Variants in CPN1 observed in about 807,000 individuals in gnomAD.
The protein encoded by CPN1 is carboxypeptidase N catalytic chain.
Under a neutral mutation model 46.4 loss-of-function variants are expected in CPN1, and 37 were observed. The observed-to-expected ratio is 0.80, with a 90% CI of 0.61 to 1.05. The LOEUF is 1.05. CPN1 is among the 50% of genes least tolerant of loss of function. The pLI is 0.00. For synonymous variants in CPN1, 224 were observed against 235.4 expected (o/e 0.95, Z 0.44); for missense variants, 563 against 602.6 (o/e 0.93, Z 0.69).
chr10:100,062,597 C>CTTT (rs66611005), intron 5 of CPN1, among the ~76,000 whole-genome samples: 92 of 141,858 alleles, frequency 6.5e-4, no homozygotes, highest in African/African-American at 2.4e-3. Flanking sequence ...AGTATTCTTT[C>CTTT]TTTTTTTTTT....
chr10:100,042,378 T>C lies in CPN1; in HGVS notation c.*49A>G, dbSNP rs776912202. On this transcript the variant is annotated 3_prime_UTR_variant, in exon 9 of 9. Coordinates refer to ENST00000370418, the MANE Select transcript of CPN1 (RefSeq NM_001308.3). ...AATAGAAAGAATGCTTGATCTGATC[T>C]GAGAGCAGGAGCAAAGCCTTTCTGA... 3 of 1,610,026 alleles carry C rather than the reference T, an allele frequency of 1.9e-6. No homozygotes were observed.
rs1044863463 is a variant in CPN1 at position 100,054,740 on chromosome 10, T to C, written c.1012-294A>G. Among the ~76,000 whole-genome samples, 6 of 152,142 alleles carry C rather than the reference T, an allele frequency of 3.9e-5. No homozygotes were observed. The South Asian group carries it at 6.2e-4, about 16-fold the overall frequency. On this transcript the variant is annotated intron_variant, in intron 6 of 8. Coordinates refer to ENST00000370418, the MANE Select transcript of CPN1 (RefSeq NM_001308.3). Reference sequence around the variant, plus strand: ...TCTTGTGATGGTCTGTCTGTAAAGCTACCTGTTAGCTCTCTGATCCCATCT... The same window carrying C: ...TCTTGTGATGGTCTGTCTGTAAAGCCACCTGTTAGCTCTCTGATCCCATCT...
chr10:100,070,426 G>A (rs2041477469), intron 2 of CPN1, among the ~76,000 whole-genome samples: 1 of 152,070 alleles, frequency 6.6e-6, no homozygotes, highest in African/African-American at 2.4e-5. Flanking sequence ...AGGTTGCAAT[G>A]GGCCAAGAAC....
chr10:100,077,662 G>A (rs1020606600), intron 1 of CPN1, among the ~76,000 whole-genome samples: 2 of 152,084 alleles, frequency 1.3e-5, no homozygotes, highest in Non-Finnish European at 2.9e-5. Context: ...TTTCTCAAAG[G>A]AATGCTTATA....
chr10:100,049,026 T>C (rs1446335563), intron 7 of CPN1, 150 bp from the exon 8 acceptor site: 2 of 610,076 alleles, frequency 3.3e-6, no homozygotes, highest in Non-Finnish European at 6.1e-6. Context: ...TGGTGTGATC[T>C]CAGCTCACTG....
At chr10:100,047,060 C>T (rs1371517087) in intron 8 of CPN1, among the ~76,000 whole-genome samples, 3 of 149,606 alleles carry the variant, frequency 2.0e-5, no homozygotes, top group Non-Finnish European at 3.0e-5. Flanking sequence ...GGTGGCAGAG[C>T]GAGACTCTGT....
At chr10:100,045,943 T>G (rs2041308539) in intron 8 of CPN1, among the ~76,000 whole-genome samples, 1 of 152,182 alleles carries the variant, frequency 6.6e-6, no homozygotes, top group Non-Finnish European at 1.5e-5. Context: ...TCTGTAGATG[T>G]CTGTTAAATA....
intron 7 of CPN1, among the ~76,000 whole-genome samples, chr10:100,054,045 C>T (rs7084921): frequency 0.43 from 65,731 of 152,056 alleles, 15,059 homozygotes; most frequent in African/African-American, 0.54. Flanking sequence ...AAATTGTATG[C>T]GGTAGCAACT....
At chr10:100,079,193 G>C (rs1319883347) in intron 1 of CPN1, among the ~76,000 whole-genome samples, 1 of 152,134 alleles carries the variant, frequency 6.6e-6, no homozygotes, top group Non-Finnish European at 1.5e-5. Context: ...ATTTCCATCT[G>C]ATGTAATATG....
chr10:100,079,252 G>A (rs756626984), intron 1 of CPN1, among the ~76,000 whole-genome samples: 6 of 152,168 alleles, frequency 3.9e-5, no homozygotes, highest in Admixed American at 2.0e-4. Context: ...ACTAGAATTC[G>A]GGCCCATGAG....
chr10:100,048,728 C>G, intron 8 of CPN1, 30 bp downstream of exon 8: 3 of 1,445,350 alleles, frequency 2.1e-6, no homozygotes, highest in Non-Finnish European at 1.9e-6. Flanking sequence ...GTGATCTCTA[C>G]AGTGCACCGT....
chr10:100,065,429 G>T (rs2041449656), intron 3 of CPN1, 59 bp from the exon 4 acceptor site: 2 of 1,593,952 alleles, frequency 1.3e-6, no homozygotes, highest in Non-Finnish European at 1.7e-6. Flanking sequence ...AACAAACGGC[G>T]GTTAGAGTAA....
At position 100,042,913 on chromosome 10, in the gene CPN1, G is replaced by A. The variant is rs146574424; in HGVS notation, c.1231-340C>T. ...TCAAGACCACACCGGGCAATATGGT[G>A]AAACCCTGTCTCTACTAAAAATACA... On this transcript the variant is annotated intron_variant, in intron 8 of 8. Coordinates refer to ENST00000370418, the MANE Select transcript of CPN1 (RefSeq NM_001308.3). Among the ~76,000 whole-genome samples the A allele has an allele frequency of 5.5e-3, 837 of 151,992 alleles. 15 individuals are homozygous for A. The highest frequency in any genetic ancestry group is 0.019 in the African/African-American group (807 of 41,434).
chr10:100,053,843 G>A (rs911279572), intron 7 of CPN1, among the ~76,000 whole-genome samples: 5 of 152,096 alleles, frequency 3.3e-5, no homozygotes, highest in Admixed American at 6.6e-5. Flanking sequence ...TCTAAGATCC[G>A]CCTCCACCAT....
intron 7 of CPN1, among the ~76,000 whole-genome samples, chr10:100,052,470 G>A (rs779662657): frequency 6.6e-6 from 1 of 152,104 alleles, no homozygotes; most frequent in Non-Finnish European, 1.5e-5. Context: ...TCTCACCTGA[G>A]CCTCCCAAAC....
Position 100,061,378 on chromosome 10 carries a change from C to T in CPN1, c.871+2236G>A, listed in dbSNP as rs542656007. The stretch of plus-strand genomic sequence containing the variant: ...ATGTATCCATAAAAATTAAAAAATG[C>T]TTGAATAAAATAAATAAGTAAATTG... On this transcript the variant is annotated intron_variant, in intron 5 of 8. Coordinates refer to ENST00000370418, the MANE Select transcript of CPN1 (RefSeq NM_001308.3). Among the ~76,000 whole-genome samples, 10 of 152,252 alleles carry T rather than the reference C, an allele frequency of 6.6e-5. No individual in the cohort carries two copies. The East Asian group carries it at 1.2e-3, about 18-fold the overall frequency.
chr10:100,052,361 G>A (rs149825499), intron 7 of CPN1, among the ~76,000 whole-genome samples: 4,290 of 151,166 alleles, frequency 0.028, 102 homozygotes, highest in African/African-American at 0.065. Flanking sequence ...GTGAGCCACC[G>A]CTCCTGGCCA....
intron 4 of CPN1, among the ~76,000 whole-genome samples, chr10:100,064,529 C>T (rs1202676388): frequency 1.3e-5 from 2 of 151,244 alleles, no homozygotes; most frequent in Non-Finnish European, 2.9e-5. Context: ...TACAGGCACC[C>T]ACCACCGTGC....
At chr10:100,070,058 G>C (rs760406677) in intron 2 of CPN1, among the ~76,000 whole-genome samples, 189 bp from the exon 3 acceptor site, 2 of 151,898 alleles carry the variant, frequency 1.3e-5, no homozygotes, top group Non-Finnish European at 2.9e-5. Context: ...GAGTAGCTGG[G>C]ACTACAAGCA....
Sources: allele counts gnomAD v4.1 joint callset (sites outside exome capture counted in the v4.1 genomes callset), GRCh38; gene constraint gnomAD v4.1.1; transcripts MANE v1.5; gene names NCBI Gene and HGNC (gene_info 2026-07-23, HGNC 2026-07-21).